Variants in TFEC observed in about 807,000 individuals in gnomAD.
TFEC encodes transcription factor EC.
TFEC carries 31 observed loss-of-function variants against 41.6 expected under a neutral mutation model. That is an observed-to-expected ratio of 0.74 (90% CI 0.56 to 1.01). The LOEUF is 1.01. Among genes scored for constraint, TFEC ranks in the 50% least tolerant of loss-of-function variants. TFEC has a pLI of 0.00. For synonymous variants in TFEC, 143 were observed against 140.6 expected, an observed-to-expected ratio of 1.02 and a Z score of -0.12; for missense variants, 402 against 404.1, an observed-to-expected ratio of 0.99 and a Z score of 0.04.
chr7:115,976,873 C>G (rs1031369498), intron 2 of TFEC, among the ~76,000 whole-genome samples: 1 of 152,098 alleles, frequency 6.6e-6, no homozygotes, highest in Non-Finnish European at 1.5e-5. Context: ...ATAAATGACA[C>G]GGTCTGTTTA....
rs1222641983 is a variant in TFEC, at chr7:115,938,031, G to A, written c.*2520C>T. 2 of 151,756 alleles carry A rather than the reference G, an allele frequency of 1.3e-5. No individual in the cohort carries two copies. Among genetic ancestry groups the A allele is most frequent in the African/African-American group, 2.4e-5 (1 of 41,366 alleles). The allele number at this position is 151,756 out of a possible 1,614,324, so 9.4% of individuals were successfully genotyped here. A position where few individuals can be genotyped will look rare whatever the true frequency, so the allele number is the denominator to read the frequency against. Reference sequence around the variant, plus strand: ...TTAAAAATTCATTACCCTTTTTACAGTTCCCTGACATCTCATAATCTGAAT... The same window carrying A: ...TTAAAAATTCATTACCCTTTTTACAATTCCCTGACATCTCATAATCTGAAT... On this transcript the variant is annotated 3_prime_UTR_variant, in exon 8 of 8. Transcript: ENST00000265440.
At position 116,000,101 on chromosome 7, in the gene TFEC, C is replaced by T. The variant is rs1584671554; in HGVS notation, c.-72-15588G>A. ...TACTATCAAACTAAATTCAACAACA[C>T]ATTAAAAATTCATCATGACCAAATG... On this transcript the variant is annotated intron_variant, in intron 1 of 7. Transcript: ENST00000265440. Among the ~76,000 whole-genome samples, 11 of 152,116 alleles carry T rather than the reference C, an allele frequency of 7.2e-5. No homozygotes were observed. The South Asian group carries it at 2.3e-3, about 31-fold the overall frequency.
At chr7:116,096,263 G>A (rs1797457693) in intron 3 of TFEC, among the ~76,000 whole-genome samples, 2 of 152,020 alleles carry the variant, frequency 1.3e-5, no homozygotes, top group Admixed American at 6.6e-5. Flanking sequence ...AAAATTTTAA[G>A]GGTGGTTTCT....
chr7:115,994,842 G>A (rs151068141), intron 1 of TFEC, among the ~76,000 whole-genome samples: 66,875 of 151,806 alleles, frequency 0.44, 14,998 homozygotes, highest in Non-Finnish European at 0.49. Context: ...CCATCCCATT[G>A]CTGGGTATAT....
At chr7:116,113,876 C>T (rs956962797) in intron 1 of TFEC, among the ~76,000 whole-genome samples, 3 of 151,852 alleles carry the variant, frequency 2.0e-5, no homozygotes, top group Admixed American at 6.6e-5. Context: ...TATAGACAAA[C>T]GGACACAAGT....
At chr7:116,097,434 T>C (rs1362850469) in intron 3 of TFEC, among the ~76,000 whole-genome samples, 1 of 152,182 alleles carries the variant, frequency 6.6e-6, no homozygotes, top group Non-Finnish European at 1.5e-5. Flanking sequence ...TATAACAATA[T>C]GCCAACATCA....
rs909818823 is a variant in TFEC, at chr7:116,018,933, G to A, written c.-73+11700C>T. Among the ~76,000 whole-genome samples, 11 of 152,148 alleles carry A rather than the reference G, an allele frequency of 7.2e-5. No homozygotes were observed. The South Asian group carries it at 8.3e-4, about 11-fold the overall frequency. On this transcript the variant is annotated intron_variant, in intron 1 of 7. Coordinates refer to ENST00000265440, the MANE Select transcript of TFEC (RefSeq NM_012252.4). ...GGAGGCTGAGCTGATAGGCTGCACT[G>A]GTCATGGATGGTTAGGTAAAGCAGA...
chr7:116,082,126 C>T (rs776019820), intron 3 of TFEC, among the ~76,000 whole-genome samples: 7 of 151,972 alleles, frequency 4.6e-5, no homozygotes, highest in African/African-American at 1.2e-4. Flanking sequence ...TTCCAACCCA[C>T]CTATTACAAC....
upstream of TFEC, among the ~76,000 whole-genome samples, chr7:116,034,322 A>C (rs924668997): frequency 1.3e-5 from 2 of 151,920 alleles, no homozygotes; most frequent in African/African-American, 4.8e-5. Context: ...CAGGCCTGAT[A>C]TCTCTCTTGA....
chr7:116,093,675 T>C (rs1336084686), intron 3 of TFEC, among the ~76,000 whole-genome samples: 1 of 152,178 alleles, frequency 6.6e-6, no homozygotes, highest in Non-Finnish European at 1.5e-5. Flanking sequence ...TCTAACTTTT[T>C]TATAGACAAA....
At chr7:116,144,448 C>A (rs1265648361) in intron 1 of TFEC, among the ~76,000 whole-genome samples, 1 of 152,118 alleles carries the variant, frequency 6.6e-6, no homozygotes, top group Admixed American at 6.5e-5. Flanking sequence ...CTACAATGCC[C>A]AGTTTGTTTG....
chr7:116,016,756 T>C (rs935412889), intron 1 of TFEC, among the ~76,000 whole-genome samples: 1 of 151,910 alleles, frequency 6.6e-6, no homozygotes, highest in Non-Finnish European at 1.5e-5. Context: ...TATATGTACA[T>C]AGCATATCTT....
intron 1 of TFEC, among the ~76,000 whole-genome samples, chr7:116,011,781 C>T (rs6953877): frequency 0.85 from 129,328 of 152,036 alleles, 55,136 homozygotes; most frequent in Non-Finnish European, 0.88. Flanking sequence ...GCTATTCTCA[C>T]GATAATGAGT....
At chr7:116,121,985 G>T (rs759175761) in intron 1 of TFEC, among the ~76,000 whole-genome samples, 1 of 152,026 alleles carries the variant, frequency 6.6e-6, no homozygotes, top group Non-Finnish European at 1.5e-5. Context: ...TTCCGAACAG[G>T]TAACAAATGT....
intron 3 of TFEC, among the ~76,000 whole-genome samples, chr7:116,047,334 C>T (rs527796921): frequency 7.7e-4 from 117 of 152,244 alleles, no homozygotes; most frequent in African/African-American, 2.6e-3. Context: ...TCTTAGCAAA[C>T]GGCACACCAG....
At chr7:116,057,345 T>C (rs1796453923) in intron 3 of TFEC, among the ~76,000 whole-genome samples, 2 of 151,982 alleles carry the variant, frequency 1.3e-5, no homozygotes, top group South Asian at 4.1e-4. Context: ...CATTACTGAA[T>C]TGTCAAAGCC....
intron 1 of TFEC, among the ~76,000 whole-genome samples, chr7:116,150,177 C>T (rs961421356): frequency 6.6e-6 from 1 of 152,172 alleles, no homozygotes; most frequent in Non-Finnish European, 1.5e-5. Flanking sequence ...AGTTGTTATG[C>T]TTTGTTTGCT....
chr7:116,015,169 C>T (rs1028874965), intron 1 of TFEC, among the ~76,000 whole-genome samples: 1 of 151,072 alleles, frequency 6.6e-6, no homozygotes, highest in East Asian at 1.9e-4. Flanking sequence ...TCTTATAGCA[C>T]CTGAAATTTT....
intron 1 of TFEC, among the ~76,000 whole-genome samples, chr7:116,004,298 T>C (rs953886743): frequency 6.6e-6 from 1 of 152,062 alleles, no homozygotes; most frequent in Non-Finnish European, 1.5e-5. Flanking sequence ...AGAATAAATA[T>C]CTATACAGAT....
Sources: gnomAD v4.1 joint callset for allele counts (sites outside exome capture counted in the v4.1 genomes callset) on GRCh38, gnomAD v4.1.1 for gene constraint, MANE v1.5 for transcripts, NCBI Gene and HGNC (gene_info 2026-07-23, HGNC 2026-07-21) for gene names.